SFXN5: variants seen among roughly 807,000 people sequenced by gnomAD.
The protein encoded by SFXN5 is sideroflexin-5.
A neutral mutation model predicts 50.2 loss-of-function variants in SFXN5; 43 were observed. That is an observed-to-expected ratio of 0.86 (90% CI 0.67 to 1.11). The LOEUF is 1.11. Ranked by LOEUF, SFXN5 falls within the 50% of genes least tolerant of loss-of-function variation. The pLI is 0.00. For synonymous variants in SFXN5, 203 were observed against 185.8 expected (o/e 1.09, Z -0.75); for missense variants, 463 against 454.1 (o/e 1.02, Z -0.18).
chr2:73,067,690 G>T (rs996290127), intron 1 of SFXN5, among the ~76,000 whole-genome samples: 6 of 152,184 alleles, frequency 3.9e-5, no homozygotes, highest in African/African-American at 1.2e-4. Flanking sequence ...GGGTTGTGGG[G>T]GGTGGGTGCA....
chr2:72,968,283 C>T (rs1573984737), intron 12 of SFXN5, among the ~76,000 whole-genome samples, 165 bp downstream of exon 12: 1 of 152,158 alleles, frequency 6.6e-6, no homozygotes, highest in East Asian at 1.9e-4. Context: ...GATTCTGTGG[C>T]ACTACCTGGA....
At chr2:73,054,061 G>C (rs1167530016) in intron 2 of SFXN5, among the ~76,000 whole-genome samples, 1 of 152,134 alleles carries the variant, frequency 6.6e-6, no homozygotes, top group East Asian at 1.9e-4. Flanking sequence ...AACCTGCCTA[G>C]ACGAGAGCCA....
chr2:73,001,047 T>G (rs1398836965), intron 7 of SFXN5, among the ~76,000 whole-genome samples: 1 of 152,232 alleles, frequency 6.6e-6, no homozygotes, highest in Admixed American at 6.5e-5. Flanking sequence ...ATCCTCAGTT[T>G]TCATGGCATC....
rs1004703626 is a variant in SFXN5 at position 72,950,280 on chromosome 2, A to G, written c.946-5181T>C. On this transcript the variant is annotated intron_variant, in intron 13 of 13. Coordinates refer to ENST00000272433, the MANE Select transcript of SFXN5 (RefSeq NM_144579.3). This position sits in a 1 kb window ranked among gnomAD's most constrained non-coding sequence, Gnocchi z 4.2. Reference sequence around the variant, plus strand: ...TGAGCGTCAGAGAGAGTTTTCTGAGAGTTGTCCCAGTGAGGGCTGAGAGGC... The same window carrying G: ...TGAGCGTCAGAGAGAGTTTTCTGAGGGTTGTCCCAGTGAGGGCTGAGAGGC... 6.6e-6 allele frequency among the ~76,000 whole-genome samples: 1 copy of G among 152,136 alleles called. No homozygotes were observed. The highest frequency in any genetic ancestry group is 2.4e-5 in the African/African-American group (1 of 41,408).
At position 73,029,141 on chromosome 2, in the gene SFXN5, G is replaced by A. The variant is rs557721759; in HGVS notation, c.250-5927C>T. Among the ~76,000 whole-genome samples the A allele has an allele frequency of 6.6e-5, 10 of 152,276 alleles. No individual in the cohort carries two copies. In the East Asian group the frequency reaches 1.5e-3, roughly 24 times the overall value. The stretch of plus-strand genomic sequence containing the variant: ...CCAGGCCTGTCCCCGAGCCTCCCAC[G>A]GAGAATCCAGTGGAGGATAGTGAGG... On this transcript the variant is annotated intron_variant, in intron 3 of 13. Transcript: ENST00000272433.
In SFXN5 at chr2:72,971,663, C is replaced by T; in HGVS notation, c.648G>A (p.Val216=). The T allele has an allele frequency of 2.5e-6, 4 of 1,613,978 alleles. No homozygotes were observed. The highest frequency in any genetic ancestry group is 2.2e-5 in the East Asian group (1 of 44,870). The change falls in exon 11 of 14, where the codon GTG becomes GTA. Residue 216 remains valine, a synonymous_variant. Coordinates refer to ENST00000272433, the MANE Select transcript of SFXN5 (RefSeq NM_144579.3). Reference sequence around the variant, plus strand: ...CCAGCTCCCCGTACCGCATCAGGACCACATTGCAGATATTGGCACTGGCTG... The same window carrying T: ...CCAGCTCCCCGTACCGCATCAGGACTACATTGCAGATATTGGCACTGGCTG... The part of the protein sequence containing the change: ...PAVASANICN[V]VLMRYGELEE...
rs533713801 is a variant in SFXN5 at position 72,971,611 on chromosome 2, C to T, written c.700G>A (p.Asp234Asn). The stretch of plus-strand genomic sequence containing the variant: ...TTGGAGGAGCCCACGAGGTTGCCAT[C>T]GCTGTCCAGGACATCAATCCCTTCC... The part of the protein sequence containing the change: ...LEEGIDVLDS[D>N]GNLVGSSKIA... The change falls in exon 11 of 14, where the codon GAT becomes AAT. Residue 234 changes from aspartate to asparagine, a missense_variant. By Grantham distance (23) the Asp-to-Asn change is conservative. Coordinates refer to ENST00000272433, the MANE Select transcript of SFXN5 (RefSeq NM_144579.3). 25 of 1,614,072 alleles carry T rather than the reference C, an allele frequency of 1.5e-5. No homozygotes were observed. Among genetic ancestry groups the T allele is most frequent in the East Asian group, 1.1e-4 (5 of 44,874 alleles).
intron 2 of SFXN5, among the ~76,000 whole-genome samples, chr2:73,048,056 A>G (rs923548060): frequency 6.6e-6 from 1 of 152,254 alleles, no homozygotes. Flanking sequence ...ACTCATAGGT[A>G]AAAGTATATA....
intron 10 of SFXN5, among the ~76,000 whole-genome samples, chr2:72,976,003 T>A (rs1408609639): frequency 6.6e-6 from 1 of 152,222 alleles, no homozygotes; most frequent in African/African-American, 2.4e-5. Flanking sequence ...ATTAGGGAAC[T>A]CACATGGGAA....
Position 72,945,176 on chromosome 2 carries a change from C to T in SFXN5, c.946-77G>A. The T allele has an allele frequency of 4.4e-6, 6 of 1,363,050 alleles. No individual in the cohort carries two copies. Among genetic ancestry groups the T allele is most frequent in the Middle Eastern group, 1.8e-4 (1 of 5,562 alleles). 84.4% of individuals were successfully genotyped at this position (1,363,050 alleles called of 1,614,324 possible). Reference sequence around the variant, plus strand: ...GTGGGGCTGGGAGCTGCAGTGAGGACCACCCTGGGCCCCAGAGCTCTGCCC... The same window carrying T: ...GTGGGGCTGGGAGCTGCAGTGAGGATCACCCTGGGCCCCAGAGCTCTGCCC... On this transcript the variant is annotated intron_variant, in intron 13 of 13. Transcript: ENST00000272433. This position sits in a 1 kb window ranked among gnomAD's most constrained non-coding sequence, Gnocchi z 5.8.
At chr2:73,047,283 T>TATATATATATATATATATATACACACAC (rs1325442108) in intron 2 of SFXN5, among the ~76,000 whole-genome samples, 13 of 73,582 alleles carry the variant, frequency 1.8e-4, no homozygotes, top group South Asian at 5.0e-4. Flanking sequence ...TATACACACA[T>TATATATATATATATATATATACACACAC]ATATATATAT....
At chr2:73,058,674 C>T (rs1682453333) in intron 1 of SFXN5, 78 bp from the exon 2 acceptor site, 3 of 1,409,734 alleles carry the variant, frequency 2.1e-6, no homozygotes, top group Non-Finnish European at 3.0e-6. Flanking sequence ...GAGCCCCACC[C>T]TTTATGATTG....
At chr2:73,037,169 C>A (rs538076625) in intron 3 of SFXN5, among the ~76,000 whole-genome samples, 1 of 152,238 alleles carries the variant, frequency 6.6e-6, no homozygotes, top group Non-Finnish European at 1.5e-5. Flanking sequence ...GGACCACCCC[C>A]ACCTGCTCTT....
intron 13 of SFXN5, among the ~76,000 whole-genome samples, chr2:72,948,065 A>G (rs1214705529): frequency 6.6e-6 from 1 of 152,252 alleles, no homozygotes; most frequent in East Asian, 1.9e-4. Flanking sequence ...ATAACATCCC[A>G]GCAATCTTAC....
intron 3 of SFXN5, among the ~76,000 whole-genome samples, chr2:73,026,320 G>A (rs1470197931): frequency 8.6e-5 from 13 of 150,826 alleles, no homozygotes; most frequent in Non-Finnish European, 1.6e-4. Flanking sequence ...TAGTAGAGGC[G>A]GGGTTTCACC....
intron 6 of SFXN5, among the ~76,000 whole-genome samples, chr2:73,005,085 G>T (rs903589407): frequency 6.6e-6 from 1 of 152,174 alleles, no homozygotes; most frequent in African/African-American, 2.4e-5. Context: ...TTCAGGCGTG[G>T]CCACGCAGAC....
chr2:72,996,560 G>A (rs1673276227), intron 9 of SFXN5: 1 of 148,806 alleles, frequency 6.7e-6, no homozygotes, highest in Admixed American at 6.8e-5. Flanking sequence ...CCAGTCTGGA[G>A]TGCAGGGGCA....
rs1672776754 is a variant in SFXN5 at position 72,953,657 on chromosome 2, C to G, written c.945+7474G>C. On this transcript the variant is annotated intron_variant, in intron 13 of 13. Coordinates refer to ENST00000272433, the MANE Select transcript of SFXN5 (RefSeq NM_144579.3). The surrounding 1 kb of genome is among the most constrained non-coding windows in gnomAD (Gnocchi z 4.1). ...AGATGGAACACAGAAAACACACCAC[C>G]AGAGCCTACACAGGTGAGGTGAGAC... 6.6e-6 allele frequency among the ~76,000 whole-genome samples: 1 copy of G among 151,514 alleles called. No homozygotes were observed. The highest frequency in any genetic ancestry group is 2.1e-4 in the South Asian group (1 of 4,806).
intron 13 of SFXN5, among the ~76,000 whole-genome samples, chr2:72,946,883 C>T (rs752487932): frequency 2.3e-4 from 35 of 152,286 alleles, no homozygotes; most frequent in Non-Finnish European, 2.9e-4. Flanking sequence ...GTCAGACTCC[C>T]GCGCCACCCT....
Sources: allele counts gnomAD v4.1 joint callset (sites outside exome capture counted in the v4.1 genomes callset), GRCh38; gene constraint gnomAD v4.1.1; non-coding constraint Gnocchi (gnomAD v3.1); transcripts MANE v1.5; gene names NCBI Gene and HGNC (gene_info 2026-07-23, HGNC 2026-07-21).